The following PNO1 variants were observed in gnomAD, a reference collection of about 807,000 sequenced individuals.
The protein encoded by PNO1 is partner of NOB1 homolog, also known as RNA-binding protein PNO1.
In PNO1, 16 loss-of-function variants were observed where a neutral mutation model predicts 28.4. That is an observed-to-expected ratio of 0.56 (90% CI 0.38 to 0.85). The LOEUF (loss-of-function observed/expected upper bound fraction) is 0.85. Among genes scored for constraint, PNO1 ranks in the 40% least tolerant of loss-of-function variants. The pLI, the probability that PNO1 is intolerant of heterozygous loss-of-function variation, is 0.00. For synonymous variants in PNO1, 115 were observed against 110.8 expected (o/e 1.04, Z -0.24); for missense variants, 304 against 312.2 (o/e 0.97, Z 0.20).
chr2:68,176,227 C>T lies in PNO1; in HGVS notation c.*1425C>T, dbSNP rs1203572346. 1 of 152,148 alleles carries T rather than the reference C, an allele frequency of 6.6e-6. No homozygotes were observed. Among genetic ancestry groups the T allele is most frequent in the Non-Finnish European group, 1.5e-5 (1 of 68,024 alleles). 9.4% of individuals were successfully genotyped at this position (152,148 alleles called of 1,614,324 possible). A position where few individuals can be genotyped will look rare whatever the true frequency, so the allele number is the denominator to read the frequency against. On this transcript the variant is annotated 3_prime_UTR_variant, in exon 7 of 7. Coordinates refer to ENST00000263657, the MANE Select transcript of PNO1 (RefSeq NM_020143.4). ...AAGGAACTTACTTTATTAAACTTAA[C>T]TTTGATACTTCTCTTATGCATCTCT...
chr2:68,163,554 T>C (rs1044259582), intron 5 of PNO1, among the ~76,000 whole-genome samples: 1 of 148,654 alleles, frequency 6.7e-6, no homozygotes. Context: ...CATACATACA[T>C]ACATACATAC....
intron 5 of PNO1, among the ~76,000 whole-genome samples, chr2:68,165,290 G>T (rs1673953331): frequency 6.7e-6 from 1 of 149,170 alleles, no homozygotes; most frequent in Non-Finnish European, 1.5e-5. Context: ...CGTGAACCCG[G>T]GAGGCGGAGC....
rs1176758210 is a variant in PNO1 at position 68,176,067 on chromosome 2, A to G, written c.*1265A>G. ...TTGAAAAATAATAGTAAGAACCATC[A>G]TAAGTCTGTTTCTTCTAGTAAAGGT... is the stretch of plus-strand genomic sequence containing the variant. On this transcript the variant is annotated 3_prime_UTR_variant, in exon 7 of 7. Coordinates refer to ENST00000263657, the MANE Select transcript of PNO1 (RefSeq NM_020143.4). 2.6e-5 allele frequency: 4 copies of G among 152,232 alleles called. No individual in the cohort carries two copies. Among genetic ancestry groups the G allele is most frequent in the African/African-American group, 4.8e-5 (2 of 41,468 alleles). The allele number at this position is 152,232 out of a possible 1,614,324, so 9.4% of individuals were successfully genotyped here.
At chr2:68,160,130 G>A (rs955365913) in intron 2 of PNO1, among the ~76,000 whole-genome samples, 2 of 151,642 alleles carry the variant, frequency 1.3e-5, no homozygotes, top group Admixed American at 1.3e-4. Flanking sequence ...CACCACGCCC[G>A]GCTAATTTTT....
intron 2 of PNO1, among the ~76,000 whole-genome samples, chr2:68,159,171 G>A (rs1369196502): frequency 1.3e-5 from 2 of 152,080 alleles, no homozygotes; most frequent in African/African-American, 4.8e-5. Context: ...TGATCAAAAT[G>A]TCATTATGCA....
chr2:68,162,536 T>C lies in PNO1; in HGVS notation c.503-10T>C, dbSNP rs1222801530. On this transcript the variant is annotated splice_polypyrimidine_tract_variant and intron_variant, in intron 4 of 6. Coordinates refer to ENST00000263657, the MANE Select transcript of PNO1 (RefSeq NM_020143.4). Reference sequence around the variant, plus strand: ...GGCTTGCCTCCTGAGATCTTGCTTTTCTTGTTTAGTTAAACCCCTAAAGGG... The same window carrying C: ...GGCTTGCCTCCTGAGATCTTGCTTTCCTTGTTTAGTTAAACCCCTAAAGGG... 4 of 1,582,734 alleles carry C rather than the reference T, an allele frequency of 2.5e-6. No individual in the cohort carries two copies. The highest frequency in any genetic ancestry group is 3.5e-6 in the Non-Finnish European group (4 of 1,152,658).
At chr2:68,165,175 TA>T (rs1400589230) in intron 5 of PNO1, among the ~76,000 whole-genome samples, 1 of 150,912 alleles carries the variant, frequency 6.6e-6, no homozygotes, top group Non-Finnish European at 1.5e-5. Context: ...CCATCCCGGC[TA>T]AAACGGTGAA....
At position 68,158,495 on chromosome 2, in the gene PNO1, G is replaced by A; in HGVS notation, c.323G>A (p.Arg108His). Residue 108 changes from arginine (R) to histidine (H), a missense_variant, in exon 2 of 7, where the codon CGC becomes CAC. Transcript: ENST00000263657. ...GTGGAACATTTGGGACTTCAGATAC[G>A]CTTTAACTTGAAATCAAGGAATGTA... is the stretch of plus-strand genomic sequence containing the variant. The part of the protein sequence containing the change: ...PIVEHLGLQI[R>H]FNLKSRNVEI... 3 of 1,613,134 alleles carry A rather than the reference G, an allele frequency of 1.9e-6. No homozygotes were observed. Among genetic ancestry groups the A allele is most frequent in the Non-Finnish European group, 2.5e-6 (3 of 1,179,570 alleles).
Position 68,162,179 on chromosome 2 carries a change from A to G in PNO1, c.442-86A>G, listed in dbSNP as rs111933247. 1.9e-4 allele frequency: 186 copies of G among 978,846 alleles called. 2 individuals are homozygous for G. In the African/African-American group the frequency reaches 1.9e-3, roughly 10 times the overall value. 60.6% of individuals were successfully genotyped at this position (978,846 alleles called of 1,614,324 possible). On this transcript the variant is annotated intron_variant, in intron 3 of 6. Transcript: ENST00000263657. ...AGCTTTCTAGCTCTAGAGTTTGTGGATTTTAGTTCCATAGTGCTTTGCACT... is the reference window on the plus strand; with the variant it reads ...AGCTTTCTAGCTCTAGAGTTTGTGGGTTTTAGTTCCATAGTGCTTTGCACT...
chr2:68,161,612 C>A, intron 2 of PNO1, 71 bp from the exon 3 acceptor site: 1 of 930,866 alleles, frequency 1.1e-6, no homozygotes, highest in Non-Finnish European at 1.8e-6. Flanking sequence ...AAGGACATTT[C>A]CAGTATTTTG....
chr2:68,168,718 A>G lies in PNO1; in HGVS notation c.621-4629A>G, dbSNP rs766656384. ...TCTTGCCTGGGCGCCTAGGGGCTTT[A>G]TTTTTATTTTATAAGATAAAGGGGT... On this transcript the variant is annotated intron_variant, in intron 5 of 6. Coordinates refer to ENST00000263657, the MANE Select transcript of PNO1 (RefSeq NM_020143.4). Among the ~76,000 whole-genome samples the G allele has an allele frequency of 1.2e-4, 19 of 152,114 alleles. 1 individual carries two copies. The highest frequency in any genetic ancestry group is 1.6e-4 in the Non-Finnish European group (11 of 67,982).
At chr2:68,170,486 A>G (rs201468235) in intron 5 of PNO1, among the ~76,000 whole-genome samples, 13 of 152,156 alleles carry the variant, frequency 8.5e-5, no homozygotes, top group African/African-American at 1.7e-4. Context: ...GATGGCTCAC[A>G]CCTGTAATCC....
intron 5 of PNO1, among the ~76,000 whole-genome samples, chr2:68,168,487 CTG>C (rs1674048204): frequency 6.6e-6 from 1 of 152,106 alleles, no homozygotes; most frequent in Non-Finnish European, 1.5e-5. Flanking sequence ...TGGGGTCAAT[CTG>C]TATCTAGCTG....
At chr2:68,163,532 A>G (rs1673891344) in intron 5 of PNO1, among the ~76,000 whole-genome samples, 1 of 146,592 alleles carries the variant, frequency 6.8e-6, no homozygotes, top group African/African-American at 2.6e-5. Flanking sequence ...CTCTGTCTCA[A>G]ATAAATAAAT....
intron 5 of PNO1, among the ~76,000 whole-genome samples, chr2:68,165,758 C>T (rs1286176471): frequency 1.3e-5 from 2 of 151,960 alleles, no homozygotes; most frequent in Non-Finnish European, 2.9e-5. Flanking sequence ...AAGTTTATTA[C>T]TGGTAAATTT....
chr2:68,162,183 T>G, intron 3 of PNO1, 82 bp from the exon 4 acceptor site: 1 of 1,025,498 alleles, frequency 9.8e-7, no homozygotes, highest in South Asian at 1.4e-5. Context: ...TTGTGGATTT[T>G]AGTTCCATAG....
chr2:68,174,127 G>A (rs1468406461), intron 6 of PNO1, among the ~76,000 whole-genome samples: 1 of 152,164 alleles, frequency 6.6e-6, no homozygotes, highest in African/African-American at 2.4e-5. Context: ...TTTCTGATAA[G>A]AGTTGCAGGA....
intron 5 of PNO1, among the ~76,000 whole-genome samples, chr2:68,165,660 G>A (rs1382911492): frequency 6.6e-6 from 1 of 151,478 alleles, no homozygotes; most frequent in Non-Finnish European, 1.5e-5. Flanking sequence ...ACCAGCCTGG[G>A]CGACAGTGAG....
intron 6 of PNO1, 83 bp from the exon 7 acceptor site, chr2:68,174,652 G>T: frequency 1.2e-6 from 1 of 869,474 alleles, no homozygotes; most frequent in Admixed American, 2.2e-5. Context: ...CCTGAAACCA[G>T]TCTTCCTTAG....
Sources: allele counts gnomAD v4.1 joint callset (sites outside exome capture counted in the v4.1 genomes callset), GRCh38; gene constraint gnomAD v4.1.1; transcripts MANE v1.5; gene names NCBI Gene and HGNC (gene_info 2026-07-23, HGNC 2026-07-21).